Variants in TENM3 observed in about 807,000 individuals in gnomAD.
TENM3 encodes the protein teneurin transmembrane protein 3, also known as teneurin-3.
Under a neutral mutation model 255.1 loss-of-function variants are expected in TENM3, and 63 were observed. That is an observed-to-expected ratio of 0.25 (90% CI 0.20 to 0.30). The LOEUF (loss-of-function observed/expected upper bound fraction) is 0.30, where lower values mean the gene tolerates loss of function less well. TENM3 is among the 10% of genes least tolerant of loss of function. The pLI, the probability that TENM3 is intolerant of heterozygous loss-of-function variation, is 1.00. For missense variants in TENM3, 2,929 were observed against 3,461.1 expected (o/e 0.85, Z 3.86); for synonymous variants, 1,306 against 1,322.3 (o/e 0.99, Z 0.27).
At chr4:182,541,346 C>T (rs1371143782) in intron 3 of TENM3, among the ~76,000 whole-genome samples, 3 of 152,076 alleles carry the variant, frequency 2.0e-5, no homozygotes, top group South Asian at 2.1e-4. Context: ...TTTGGACTTC[C>T]TTCATTTCCT....
At chr4:181,639,954 G>A in the TENM3 span, among the ~76,000 whole-genome samples, 23 of 152,292 alleles carry the variant, frequency 1.5e-4, no homozygotes, top group African/African-American at 3.6e-4. Flanking sequence ...TTACAATGCC[G>A]TGTCGCTTTG....
At chr4:182,356,291 C>T (rs1030920502) in intron 3 of TENM3, among the ~76,000 whole-genome samples, 1 of 152,032 alleles carries the variant, frequency 6.6e-6, no homozygotes, top group African/African-American at 2.4e-5. Flanking sequence ...TGGCTTGAGC[C>T]CAGAAGTTAG....
At chr4:182,047,806 A>G in the TENM3 span, among the ~76,000 whole-genome samples, 1 of 152,242 alleles carries the variant, frequency 6.6e-6, no homozygotes, top group Non-Finnish European at 1.5e-5. Context: ...TCATCAGACT[A>G]TAGGTGCTTT....
At chr4:182,440,509 T>C (rs1304631789) in intron 3 of TENM3, among the ~76,000 whole-genome samples, 1 of 152,114 alleles carries the variant, frequency 6.6e-6, no homozygotes, top group Admixed American at 6.5e-5. Flanking sequence ...CTTTCTACTC[T>C]TCCTGGGCCT....
At chr4:181,902,964 G>A in the TENM3 span, among the ~76,000 whole-genome samples, 4 of 152,166 alleles carry the variant, frequency 2.6e-5, no homozygotes, top group East Asian at 1.9e-4. Flanking sequence ...TTTTACAATC[G>A]GTATTGATTT....
intron 1 of TENM3, among the ~76,000 whole-genome samples, chr4:182,272,799 T>A (rs2150226485): frequency 6.6e-6 from 1 of 152,214 alleles, no homozygotes; most frequent in African/African-American, 2.4e-5. Context: ...ATTACTGCAA[T>A]GATTTCAGCT....
intron 3 of TENM3, among the ~76,000 whole-genome samples, chr4:182,516,389 G>A (rs574073899): frequency 6.6e-6 from 1 of 152,298 alleles, no homozygotes; most frequent in East Asian, 1.9e-4. Flanking sequence ...TCTACTGAAA[G>A]CACTACTCTC....
rs934851397 is a variant in TENM3, at chr4:182,440,135, C to T, written c.511+93206C>T. The stretch of plus-strand genomic sequence containing the variant: ...GCACCTTTTTTTTTTTTTTTTTTGA[C>T]GGAGTCTCGCTCTGTTGCCCAGGCT... On this transcript the variant is annotated intron_variant, in intron 3 of 27. Coordinates refer to ENST00000511685, the MANE Select transcript of TENM3 (RefSeq NM_001080477.4). 4.8e-4 allele frequency among the ~76,000 whole-genome samples: 38 copies of T among 78,848 alleles called. No homozygotes were observed. The East Asian group carries it at 9.4e-3, about 19-fold the overall frequency. 51.7% of individuals were successfully genotyped at this position (78,848 alleles called of 152,430 possible). A position where few individuals can be genotyped will look rare whatever the true frequency, so the allele number is the denominator to read the frequency against.
At chr4:182,371,670 C>G (rs970349243) in intron 3 of TENM3, among the ~76,000 whole-genome samples, 1 of 152,196 alleles carries the variant, frequency 6.6e-6, no homozygotes, top group Non-Finnish European at 1.5e-5. Context: ...TCTAGTCTTA[C>G]CAATCGAATG....
chr4:182,764,918 AGAG>A (rs1397569237), intron 22 of TENM3, among the ~76,000 whole-genome samples: 1 of 152,226 alleles, frequency 6.6e-6, no homozygotes, highest in Non-Finnish European at 1.5e-5. Context: ...AGGAGGCAGT[AGAG>A]GTCAGTCAGT....
At chr4:181,602,200 T>A in the TENM3 span, among the ~76,000 whole-genome samples, 4 of 152,194 alleles carry the variant, frequency 2.6e-5, no homozygotes, top group Non-Finnish European at 5.9e-5. Flanking sequence ...TACTCAACTT[T>A]ATGAGATAAA....
At chr4:182,343,267 T>C (rs1404922535) in intron 2 of TENM3, among the ~76,000 whole-genome samples, 1 of 152,208 alleles carries the variant, frequency 6.6e-6, no homozygotes, top group African/African-American at 2.4e-5. Flanking sequence ...ATTGTTTTGG[T>C]CCTGTTTCAA....
intron 24 of TENM3, among the ~76,000 whole-genome samples, chr4:182,782,836 T>C (rs1765285363): frequency 6.9e-6 from 1 of 143,938 alleles, no homozygotes; most frequent in Admixed American, 7.1e-5. Context: ...TTTTGATCTT[T>C]GTTGGTTTAA....
the TENM3 span, among the ~76,000 whole-genome samples, chr4:181,523,924 G>A: frequency 1.3e-5 from 2 of 152,128 alleles, no homozygotes; most frequent in African/African-American, 4.8e-5. Context: ...TTGACAAAAA[G>A]GGAAAAGGAA....
chr4:182,220,046 C>G (rs1755752400), intron 1 of TENM3, among the ~76,000 whole-genome samples: 1 of 152,068 alleles, frequency 6.6e-6, no homozygotes, highest in Non-Finnish European at 1.5e-5. Context: ...TGTGGTTTGG[C>G]CCTGAGGAGC....
intron 3 of TENM3, among the ~76,000 whole-genome samples, chr4:182,478,925 C>T (rs1259200114): frequency 2.0e-5 from 3 of 151,856 alleles, no homozygotes; most frequent in Non-Finnish European, 4.4e-5. Flanking sequence ...GAATGGAAGA[C>T]TTTTATGATT....
chr4:182,293,191 T>A (rs1761233403), intron 1 of TENM3, among the ~76,000 whole-genome samples: 1 of 152,158 alleles, frequency 6.6e-6, no homozygotes, highest in South Asian at 2.1e-4. Context: ...ACGTAACAAG[T>A]GGAGTCCATA....
At chr4:182,292,533 T>C (rs1405603156) in intron 1 of TENM3, among the ~76,000 whole-genome samples, 1 of 152,216 alleles carries the variant, frequency 6.6e-6, no homozygotes, top group African/African-American at 2.4e-5. Context: ...AAGGGTTGTG[T>C]CTACATCAGC....
intron 5 of TENM3, among the ~76,000 whole-genome samples, chr4:182,636,994 G>A (rs1177682944): frequency 1.3e-5 from 2 of 152,112 alleles, no homozygotes; most frequent in Non-Finnish European, 2.9e-5. Context: ...CCACTTTACT[G>A]CTACGTTGCA....
Sources: gnomAD v4.1 joint callset for allele counts (sites outside exome capture counted in the v4.1 genomes callset) on GRCh38, gnomAD v4.1.1 for gene constraint, MANE v1.5 for transcripts, NCBI Gene and HGNC (gene_info 2026-07-23, HGNC 2026-07-21) for gene names.